CIITA: variants seen among roughly 807,000 people sequenced by gnomAD.
The protein encoded by CIITA is MHC class II transactivator.
Under a neutral mutation model 115.1 loss-of-function variants are expected in CIITA, and 72 were observed. That is an observed-to-expected ratio of 0.63 (90% CI 0.52 to 0.76). The LOEUF (loss-of-function observed/expected upper bound fraction) is 0.76, where lower values mean the gene tolerates loss of function less well. CIITA is among the 30% of genes least tolerant of loss of function. The pLI is 0.00. For synonymous variants in CIITA, 763 were observed against 635.6 expected, an observed-to-expected ratio of 1.20 and a Z score of -3.02; for missense variants, 1,617 against 1,463.8, an observed-to-expected ratio of 1.10 and a Z score of -1.71.
intron 12 of CIITA, among the ~76,000 whole-genome samples, chr16:10,909,446 C>A (rs1443092786): frequency 6.6e-6 from 1 of 152,336 alleles, no homozygotes; most frequent in East Asian, 1.9e-4. Flanking sequence ...AGAACCTCTC[C>A]CCTTCTAGGA....
Position 10,901,799 on chromosome 16 carries a change from T to C in CIITA, c.482-239T>C. ...TTCATAGGTTCTATTCTGCCCCAGC[T>C]CTCCGTGTGGAGGCCCTAGGGTCCT... On this transcript the variant is annotated intron_variant, in intron 6 of 19. Coordinates refer to ENST00000324288, the MANE Select transcript of CIITA (RefSeq NM_000246.4). The surrounding 1 kb of genome is among the most constrained non-coding windows in gnomAD (Gnocchi z 6.8). The C allele has an allele frequency of 1.5e-6, 1 of 679,524 alleles. No individual in the cohort carries two copies. The highest frequency in any genetic ancestry group is 2.5e-6 in the Non-Finnish European group (1 of 397,570). 42.1% of individuals were successfully genotyped at this position (679,524 alleles called of 1,614,324 possible).
chr16:10,937,574 T>C (rs1175957160), downstream of CIITA: 3 of 152,264 alleles, frequency 2.0e-5, no homozygotes, highest in African/African-American at 7.2e-5. This position sits in a 1 kb window ranked among gnomAD's most constrained non-coding sequence, Gnocchi z 4.2. Context: ...AAGCTGACTC[T>C]GGTGGCAACG....
chr16:10,901,814 C>T lies in CIITA; in HGVS notation c.482-224C>T. 4 of 715,478 alleles carry T rather than the reference C, an allele frequency of 5.6e-6. No individual in the cohort carries two copies. In the South Asian group the frequency reaches 6.9e-5, roughly 12 times the overall value. The allele number at this position is 715,478 out of a possible 1,614,324, so 44.3% of individuals were successfully genotyped here. On this transcript the variant is annotated intron_variant, in intron 6 of 19. Transcript: ENST00000324288. The surrounding 1 kb of genome is among the most constrained non-coding windows in gnomAD (Gnocchi z 6.8). ...CTGCCCCAGCTCTCCGTGTGGAGGC[C>T]CTAGGGTCCTGCTCAGCATAGCTCT... is the stretch of plus-strand genomic sequence containing the variant.
At chr16:10,908,886 T>A in intron 11 of CIITA, 143 bp from the exon 12 acceptor site, 1 of 1,173,470 alleles carries the variant, frequency 8.5e-7, no homozygotes, top group South Asian at 1.3e-5. Flanking sequence ...GCTGGAGTGG[T>A]CATGGAAGGC....
intron 5 of CIITA, among the ~76,000 whole-genome samples, chr16:10,900,609 G>A (rs577599396): frequency 1.1e-4 from 17 of 151,838 alleles, no homozygotes; most frequent in Admixed American, 2.0e-4. Context: ...GCGTGGTGGC[G>A]AACACCTGTA....
rs377235476 is a variant in CIITA, at chr16:10,892,093, G to A, written c.53-3189G>A. Among the ~76,000 whole-genome samples the A allele has an allele frequency of 1.6e-4, 24 of 152,182 alleles. No individual in the cohort carries two copies. The East Asian group carries it at 3.5e-3, about 22-fold the overall frequency. On this transcript the variant is annotated intron_variant, in intron 1 of 19. Coordinates refer to ENST00000324288, the MANE Select transcript of CIITA (RefSeq NM_000246.4). ...AATCCCAGCACTTTGGGAGGCCAAGGCGGGTGGATCACCTGAGGTCGGGAG... is the reference window on the plus strand; with the variant it reads ...AATCCCAGCACTTTGGGAGGCCAAGACGGGTGGATCACCTGAGGTCGGGAG...
upstream of CIITA, among the ~76,000 whole-genome samples, chr16:10,873,033 C>T (rs911919316): frequency 3.9e-5 from 6 of 152,122 alleles, no homozygotes; most frequent in African/African-American, 7.2e-5. Context: ...AGCACAGTGG[C>T]GCAATCACAG....
At chr16:10,869,697 T>C (rs1034453318) in intron 1 of CIITA, among the ~76,000 whole-genome samples, 6 of 152,084 alleles carry the variant, frequency 3.9e-5, no homozygotes, top group African/African-American at 1.2e-4. Context: ...TTTGTATTTT[T>C]AGAGACAGGG....
At chr16:10,870,164 T>A (rs1596385674) in intron 1 of CIITA, among the ~76,000 whole-genome samples, 1 of 97,694 alleles carries the variant, frequency 1.0e-5, no homozygotes, top group Non-Finnish European at 1.9e-5. Flanking sequence ...TTGCAGTACT[T>A]CCTGCAAAAA....
At chr16:10,897,791 T>G (rs1185559232) in intron 3 of CIITA, among the ~76,000 whole-genome samples, 1 of 152,216 alleles carries the variant, frequency 6.6e-6, no homozygotes, top group Non-Finnish European at 1.5e-5. Context: ...ACCACCGTTA[T>G]CATTATTATC....
In CIITA at chr16:10,906,819, C is replaced by T. The variant is rs1465699067; in HGVS notation, c.1327C>T (p.Pro443Ser). ...VSRAWACGRL[P>S]QYDFVFSVPC... ...CCGGGCCTGGGCTTGTGGCCGGCTTCCCCAGTACGACTTTGTCTTCTCTGT... is the reference window on the plus strand; with the variant it reads ...CCGGGCCTGGGCTTGTGGCCGGCTTTCCCAGTACGACTTTGTCTTCTCTGT... The change falls in exon 11 of 20, where the codon CCC becomes TCC. Residue 443 changes from proline (P) to serine (S), a missense_variant. Physicochemically the swap from Pro to Ser is moderately conservative, Grantham distance 74. Coordinates refer to ENST00000324288, the MANE Select transcript of CIITA (RefSeq NM_000246.4). The T allele has an allele frequency of 3.1e-6, 5 of 1,612,846 alleles. No homozygotes were observed. In the Admixed American group the frequency reaches 6.7e-5, roughly 21 times the overall value.
At position 10,918,325 on chromosome 16, in the gene CIITA, T is replaced by C; in HGVS notation, c.3063-115T>C. On this transcript the variant is annotated intron_variant, in intron 15 of 19. Coordinates refer to ENST00000324288, the MANE Select transcript of CIITA (RefSeq NM_000246.4). ...CAGTATCCTCCTATTTACCGAGAGGTAGCTTAAGTCTGTCGACAGCGCCAT... is the reference window on the plus strand; with the variant it reads ...CAGTATCCTCCTATTTACCGAGAGGCAGCTTAAGTCTGTCGACAGCGCCAT... 3 of 933,396 alleles carry C rather than the reference T, an allele frequency of 3.2e-6. No homozygotes were observed. The East Asian group carries it at 7.2e-5, about 22-fold the overall frequency. The allele number at this position is 933,396 out of a possible 1,614,324, so 57.8% of individuals were successfully genotyped here. A position where few individuals can be genotyped will look rare whatever the true frequency, so the allele number is the denominator to read the frequency against.
upstream of CIITA, among the ~76,000 whole-genome samples, chr16:10,873,334 C>A (rs1017398888): frequency 6.6e-6 from 1 of 152,134 alleles, no homozygotes; most frequent in Non-Finnish European, 1.5e-5. Context: ...AGACCTGATC[C>A]TAGACATTAA....
intron 1 of CIITA, among the ~76,000 whole-genome samples, chr16:10,871,765 AG>A (rs1555493173): frequency 6.6e-6 from 1 of 152,082 alleles, no homozygotes; most frequent in Admixed American, 6.5e-5. Context: ...TGCCTCAGGG[AG>A]GGGGATGTGT....
At chr16:10,908,377 G>A (rs1195638987) in intron 11 of CIITA, 7 of 675,344 alleles carry the variant, frequency 1.0e-5, no homozygotes, top group South Asian at 4.7e-5. Context: ...ATATTTGAAG[G>A]CCCGCCATGT....
At chr16:10,914,264 G>GGATTTTAA (rs1273615799) in intron 13 of CIITA, among the ~76,000 whole-genome samples, 1 of 152,136 alleles carries the variant, frequency 6.6e-6, no homozygotes, top group Non-Finnish European at 1.5e-5. Flanking sequence ...AAGACTTAAG[G>GGATTTTAA]GTGAAGGGAT....
Position 10,929,406 on chromosome 16 carries a change from C to T in CIITA, c.*5551C>T, listed in dbSNP as rs1406147769. On this transcript the variant is annotated 3_prime_UTR_variant, in exon 20 of 20. Coordinates refer to ENST00000324288, the MANE Select transcript of CIITA (RefSeq NM_000246.4). The surrounding 1 kb of genome is among the most constrained non-coding windows in gnomAD (Gnocchi z 4.3). The stretch of plus-strand genomic sequence containing the variant: ...AGGCCAGGCCATCGATTTGACACTG[C>T]AGGCAGATGAGGTCTTGGGATGCCT... The T allele has an allele frequency of 3.0e-6, 3 of 985,782 alleles. No homozygotes were observed. The highest frequency in any genetic ancestry group is 1.1e-4 in the East Asian group (1 of 8,826). The allele number at this position is 985,782 out of a possible 1,614,324, so 61.1% of individuals were successfully genotyped here. A position where few individuals can be genotyped will look rare whatever the true frequency, so the allele number is the denominator to read the frequency against.
intron 8 of CIITA, 76 bp from the exon 9 acceptor site, chr16:10,903,655 G>T: frequency 6.7e-7 from 1 of 1,503,668 alleles, no homozygotes; most frequent in Non-Finnish European, 9.3e-7. Context: ...AGCCCAGTTT[G>T]GAGTAGGGGT....
rs1453478294 is a variant in CIITA, at chr16:10,934,770, C to T, written c.*10915C>T. On this transcript the variant is annotated 3_prime_UTR_variant, in exon 20 of 20. Coordinates refer to ENST00000324288, the MANE Select transcript of CIITA (RefSeq NM_000246.4). The surrounding 1 kb of genome is among the most constrained non-coding windows in gnomAD (Gnocchi z 4.2). ...CAGGAGGGACTCCCAGAAATGAAGC[C>T]TTACCCTTGAGGGAGTTCCCCGCCA... The T allele has an allele frequency of 6.6e-6, 1 of 152,166 alleles. No individual in the cohort carries two copies. Among genetic ancestry groups the T allele is most frequent in the African/African-American group, 2.4e-5 (1 of 41,444 alleles). 9.4% of individuals were successfully genotyped at this position (152,166 alleles called of 1,614,324 possible).
Sources: gnomAD v4.1 joint callset for allele counts (sites outside exome capture counted in the v4.1 genomes callset) on GRCh38, gnomAD v4.1.1 for gene constraint, Gnocchi (gnomAD v3.1) non-coding constraint, MANE v1.5 for transcripts, NCBI Gene and HGNC (gene_info 2026-07-23, HGNC 2026-07-21) for gene names.